The following ASTN2 variants were observed in gnomAD, a reference collection of about 807,000 sequenced individuals.
ASTN2 encodes the protein astrotactin-2.
Under a neutral mutation model 139.8 loss-of-function variants are expected in ASTN2, and 54 were observed. That is an observed-to-expected ratio of 0.39 (90% CI 0.31 to 0.48). The LOEUF is 0.48. ASTN2 is among the 20% of genes least tolerant of loss of function. ASTN2 has a pLI of 0.95. For synonymous variants in ASTN2, 756 were observed against 719.5 expected, an observed-to-expected ratio of 1.05 and a Z score of -0.81; for missense variants, 1,565 against 1,725.1, an observed-to-expected ratio of 0.91 and a Z score of 1.64.
chr9:117,342,984 T>C (rs1476969127), intron 1 of ASTN2, among the ~76,000 whole-genome samples: 1 of 152,154 alleles, frequency 6.6e-6, no homozygotes, highest in African/African-American at 2.4e-5. Flanking sequence ...GGATAGCTTT[T>C]TCCTGATTGG....
chr9:117,328,347 T>C (rs1198323050), intron 1 of ASTN2, among the ~76,000 whole-genome samples: 1 of 152,086 alleles, frequency 6.6e-6, no homozygotes, highest in African/African-American at 2.4e-5. Context: ...GAGGATAGAA[T>C]ACCAAGAAGA....
intron 1 of ASTN2, among the ~76,000 whole-genome samples, chr9:117,390,568 G>A (rs939883513): frequency 1.3e-5 from 2 of 152,106 alleles, no homozygotes; most frequent in South Asian, 2.1e-4. Context: ...GCCTTTTCCA[G>A]AATGTCATAT....
At chr9:116,723,286 T>C (rs773171475) in intron 16 of ASTN2, among the ~76,000 whole-genome samples, 1 of 152,228 alleles carries the variant, frequency 6.6e-6, no homozygotes, top group Non-Finnish European at 1.5e-5. Flanking sequence ...GTACCTACTA[T>C]GTACCAGACA....
At chr9:117,157,568 G>A (rs566500728) in intron 3 of ASTN2, among the ~76,000 whole-genome samples, 1 of 152,024 alleles carries the variant, frequency 6.6e-6, no homozygotes, top group Admixed American at 6.6e-5. Flanking sequence ...ATCTGTCTGG[G>A]TGACTTTAGC....
intron 1 of ASTN2, among the ~76,000 whole-genome samples, chr9:117,352,740 G>A (rs1050855672): frequency 2.6e-5 from 4 of 152,040 alleles, no homozygotes; most frequent in Non-Finnish European, 5.9e-5. Context: ...TTCATCGCTC[G>A]GCCAAAAGGT....
At chr9:116,554,288 G>T (rs1455192126) in intron 19 of ASTN2, among the ~76,000 whole-genome samples, 1 of 152,118 alleles carries the variant, frequency 6.6e-6, no homozygotes, top group Non-Finnish European at 1.5e-5. Flanking sequence ...TACGTGGAAG[G>T]TGAATTGTTT....
chr9:116,702,062 A>C (rs1363250735), intron 16 of ASTN2, among the ~76,000 whole-genome samples: 1 of 152,062 alleles, frequency 6.6e-6, no homozygotes, highest in African/African-American at 2.4e-5. Flanking sequence ...ACCATTGCAA[A>C]ACTTGTGAAT....
intron 3 of ASTN2, among the ~76,000 whole-genome samples, chr9:117,202,539 A>G (rs1831760030): frequency 6.6e-6 from 1 of 152,114 alleles, no homozygotes; most frequent in South Asian, 2.1e-4. Context: ...GCCTGGTGGT[A>G]ATGAAATCCC....
At chr9:117,405,930 G>T (rs1341960813) in intron 1 of ASTN2, among the ~76,000 whole-genome samples, 1 of 152,222 alleles carries the variant, frequency 6.6e-6, no homozygotes, top group Admixed American at 6.5e-5. Context: ...ACAGGAGAAG[G>T]TAGCAGCAAT....
intron 13 of ASTN2, among the ~76,000 whole-genome samples, chr9:116,733,981 A>G (rs539273011): frequency 1.3e-5 from 2 of 152,322 alleles, no homozygotes; most frequent in African/African-American, 4.8e-5. Context: ...GTGTTTGCAG[A>G]ACAAGGGGCA....
At chr9:116,537,622 A>C (rs1851699050) in intron 19 of ASTN2, among the ~76,000 whole-genome samples, 1 of 152,212 alleles carries the variant, frequency 6.6e-6, no homozygotes, top group Admixed American at 6.5e-5. Context: ...AGAAAACCTA[A>C]GAGTATCTCT....
chr9:116,727,355 TAAAAG>T (rs1350924841), intron 15 of ASTN2, among the ~76,000 whole-genome samples: 1 of 152,168 alleles, frequency 6.6e-6, no homozygotes, highest in Non-Finnish European at 1.5e-5. Flanking sequence ...AAGTAAAATG[TAAAAG>T]AACAAGCTTC....
Position 116,699,723 on chromosome 9 carries a change from T to A in ASTN2, c.2806+26048A>T. ...CCCATAGGGGATGAGAAATTATCAG[T>A]TTCTTCTGCTCCCAAGCCAACTTCC... On this transcript the variant is annotated intron_variant, in intron 16 of 22. Coordinates refer to ENST00000313400, the MANE Select transcript of ASTN2 (RefSeq NM_001365068.1). The surrounding 1 kb of genome is among the most constrained non-coding windows in gnomAD (Gnocchi z 4.2). 1 of 1,614,160 alleles carries A rather than the reference T, an allele frequency of 6.2e-7. No homozygotes were observed. Among genetic ancestry groups the A allele is most frequent in the Non-Finnish European group, 8.5e-7 (1 of 1,180,046 alleles).
intron 3 of ASTN2, among the ~76,000 whole-genome samples, chr9:117,207,679 C>T (rs990175601): frequency 4.6e-5 from 7 of 152,054 alleles, no homozygotes; most frequent in Non-Finnish European, 7.4e-5. Flanking sequence ...CAGCTCCTGG[C>T]AGGTACGCCC....
At chr9:117,122,328 A>G (rs571506609) in intron 4 of ASTN2, among the ~76,000 whole-genome samples, 37 of 152,290 alleles carry the variant, frequency 2.4e-4, no homozygotes, top group African/African-American at 8.4e-4. Context: ...GCAAATCACA[A>G]TTAGGTCCAA....
intron 6 of ASTN2, among the ~76,000 whole-genome samples, chr9:117,039,412 C>T (rs1046399911): frequency 1.3e-5 from 2 of 151,788 alleles, no homozygotes; most frequent in African/African-American, 4.8e-5. Flanking sequence ...GGGAACATCA[C>T]ACATTGGGGC....
intron 6 of ASTN2, among the ~76,000 whole-genome samples, chr9:117,016,739 T>TTA (rs1212197325): frequency 3.4e-4 from 47 of 137,308 alleles, no homozygotes; most frequent in East Asian, 1.1e-3. Context: ...TATATATAGG[T>TTA]TATATATAGG....
chr9:117,224,462 T>C (rs1223063007), intron 2 of ASTN2, among the ~76,000 whole-genome samples: 2 of 152,190 alleles, frequency 1.3e-5, no homozygotes, highest in Non-Finnish European at 2.9e-5. Flanking sequence ...TCAGATATTC[T>C]CTATACAGTT....
At chr9:117,412,735 T>C (rs183677562) in intron 1 of ASTN2, among the ~76,000 whole-genome samples, 14 of 152,192 alleles carry the variant, frequency 9.2e-5, no homozygotes, top group African/African-American at 3.4e-4. Flanking sequence ...TAGAGAGATC[T>C]AAAGGATGAA....
Sources: allele counts gnomAD v4.1 joint callset (sites outside exome capture counted in the v4.1 genomes callset), GRCh38; gene constraint gnomAD v4.1.1; non-coding constraint Gnocchi (gnomAD v3.1); transcripts MANE v1.5; gene names NCBI Gene and HGNC (gene_info 2026-07-23, HGNC 2026-07-21).